AK4: variants seen among roughly 807,000 people sequenced by gnomAD.
AK4 encodes the protein adenylate kinase 4, mitochondrial.
Under a neutral mutation model 24.6 loss-of-function variants are expected in AK4, and 13 were observed. The ratio of observed to expected loss-of-function variants is 0.53; its 90% CI spans 0.34 to 0.84. The LOEUF (loss-of-function observed/expected upper bound fraction) is 0.84, where lower values mean the gene tolerates loss of function less well. Ranked by LOEUF, AK4 falls within the 40% of genes least tolerant of loss-of-function variation. The pLI is 0.01. For missense variants in AK4, 192 were observed against 288.2 expected, an observed-to-expected ratio of 0.67 and a Z score of 2.42; for synonymous variants, 88 against 107.0, an observed-to-expected ratio of 0.82 and a Z score of 1.10.
chr1:65,152,380 ATATATTTTTTTTTTTTTTTTT>A (rs1649822398), intron 1 of AK4, among the ~76,000 whole-genome samples: 5 of 44,002 alleles, frequency 1.1e-4, no homozygotes, highest in East Asian at 6.7e-4. Context: ...ATATATATAT[ATATATTTTTTTTTTTTTTTTT>A]TTTTTTTTTT....
intron 1 of AK4, among the ~76,000 whole-genome samples, chr1:65,176,188 G>A (rs1650708058): frequency 6.6e-6 from 1 of 152,150 alleles, no homozygotes; most frequent in African/African-American, 2.4e-5. Context: ...CTTAGAGATT[G>A]GATCACCTTC....
At chr1:65,184,470 T>C (rs1651020203) in intron 1 of AK4, among the ~76,000 whole-genome samples, 1 of 152,204 alleles carries the variant, frequency 6.6e-6, no homozygotes, top group Non-Finnish European at 1.5e-5. Context: ...AGTGGCCTCT[T>C]TGGGGCACCC....
At chr1:65,150,449 T>TA (rs567387341) in intron 1 of AK4, among the ~76,000 whole-genome samples, 158 of 149,230 alleles carry the variant, frequency 1.1e-3, no homozygotes, top group Non-Finnish European at 1.4e-3. Flanking sequence ...ATGAGCCAAT[T>TA]AAAAAAAAAA....
At chr1:65,149,550 T>C (rs1649697171) in intron 1 of AK4, among the ~76,000 whole-genome samples, 1 of 152,216 alleles carries the variant, frequency 6.6e-6, no homozygotes, top group Non-Finnish European at 1.5e-5. Flanking sequence ...GTCGATGTAC[T>C]TCTCAAGGAT....
rs951802334 is a variant in AK4, at chr1:65,159,969, CA to C, written c.145+11438del. Among the ~76,000 whole-genome samples, 196 of 63,352 alleles carry C rather than the reference CA, an allele frequency of 3.1e-3. 1 individual carries two copies. The highest frequency in any genetic ancestry group is 0.03 in the South Asian group (53 of 1,788). The allele number at this position is 63,352 out of a possible 152,430, so 41.6% of individuals were successfully genotyped here. A position where few individuals can be genotyped will look rare whatever the true frequency, so the allele number is the denominator to read the frequency against. ...GGCAACAGCGCCGAGACTATGTCTC[CA>C]AAAAAAAAAAAAAAAAAAAAGTTGA... On this transcript the variant is annotated intron_variant, in intron 1 of 4. Transcript: ENST00000327299.
intron 1 of AK4, among the ~76,000 whole-genome samples, chr1:65,185,952 G>A (rs528328753): frequency 6.6e-6 from 1 of 151,812 alleles, no homozygotes; most frequent in African/African-American, 2.4e-5. Context: ...CACTTTGCTT[G>A]TATCATACCT....
intron 1 of AK4, among the ~76,000 whole-genome samples, chr1:65,163,940 T>G (rs1162296758): frequency 6.6e-6 from 1 of 152,082 alleles, no homozygotes; most frequent in Non-Finnish European, 1.5e-5. Flanking sequence ...AGATTATGGG[T>G]CTGGGTGGTG....
chr1:65,168,224 T>C (rs1232007943), intron 1 of AK4, among the ~76,000 whole-genome samples: 1 of 151,586 alleles, frequency 6.6e-6, no homozygotes, highest in East Asian at 1.9e-4. Flanking sequence ...CTCAGCTTAT[T>C]GCAACTCCGC....
At chr1:65,179,702 G>A (rs1435997696) in intron 1 of AK4, among the ~76,000 whole-genome samples, 1 of 152,110 alleles carries the variant, frequency 6.6e-6, no homozygotes, top group African/African-American at 2.4e-5. Context: ...AGGCATGGTG[G>A]CATGTGCCTG....
At chr1:65,159,583 GGAGGCTACAGTGAGTCTATAGT>G (rs1217252275) in intron 1 of AK4, among the ~76,000 whole-genome samples, 1 of 152,110 alleles carries the variant, frequency 6.6e-6, no homozygotes, top group Non-Finnish European at 1.5e-5. Flanking sequence ...CCTGAGTCCA[GGAGGCTACAGTGAGTCTATAGT>G]GAGGCTACAG....
intron 2 of AK4, among the ~76,000 whole-genome samples, chr1:65,204,558 C>T (rs1232458005): frequency 1.3e-5 from 2 of 152,150 alleles, no homozygotes; most frequent in Non-Finnish European, 2.9e-5. Flanking sequence ...GGAGTTATTA[C>T]GGAGCTTCAG....
intron 2 of AK4, among the ~76,000 whole-genome samples, chr1:65,216,550 T>G (rs917307881): frequency 1.4e-5 from 2 of 148,044 alleles, no homozygotes; most frequent in Non-Finnish European, 2.9e-5. Flanking sequence ...TAGAAAATGC[T>G]TTTCATTGAT....
intron 1 of AK4, among the ~76,000 whole-genome samples, chr1:65,156,542 C>G (rs1649990107): frequency 6.6e-6 from 1 of 152,076 alleles, no homozygotes; most frequent in East Asian, 1.9e-4. Flanking sequence ...GGCCTCAGGT[C>G]CTTTTTAACA....
rs1491280917 is a variant in AK4 at position 65,170,388 on chromosome 1, A to AC, written c.146-20322_146-20321insC. ...GTCTCACACACACACACACACACAC[A>AC]AAAAAAATCAGTTTTAAGGTATTAG... On this transcript the variant is annotated intron_variant, in intron 1 of 4. Coordinates refer to ENST00000327299, the MANE Select transcript of AK4 (RefSeq NM_013410.4). Among the ~76,000 whole-genome samples the AC allele has an allele frequency of 2.6e-3, 376 of 142,090 alleles. 2 individuals carry two copies. Among genetic ancestry groups the AC allele is most frequent in the South Asian group, 0.013 (62 of 4,656 alleles). 93.2% of individuals were successfully genotyped at this position (142,090 alleles called of 152,430 possible). A position where few individuals can be genotyped will look rare whatever the true frequency, so the allele number is the denominator to read the frequency against.
chr1:65,148,403 A>G lies in AK4; in HGVS notation c.-5A>G, dbSNP rs1306706307. On this transcript the variant is annotated 5_prime_UTR_variant, in exon 1 of 5. Transcript: ENST00000327299. ...CGTTTGACCGCCCCCCTCCTCGCGA[A>G]GGCAATGGCTTCCAAACTCCTGCGC... is the stretch of plus-strand genomic sequence containing the variant. The G allele has an allele frequency of 4.6e-6, 7 of 1,534,042 alleles. No homozygotes were observed. Among genetic ancestry groups the G allele is most frequent in the Non-Finnish European group, 6.1e-6 (7 of 1,140,932 alleles).
chr1:65,215,542 G>A (rs1170958868), intron 2 of AK4, among the ~76,000 whole-genome samples: 1 of 152,126 alleles, frequency 6.6e-6, no homozygotes, highest in African/African-American at 2.4e-5. Context: ...TTGAAGTTGT[G>A]GAATGGTTTA....
intron 1 of AK4, among the ~76,000 whole-genome samples, chr1:65,189,287 C>CTT (rs11373489): frequency 0.028 from 3,761 of 132,494 alleles, 196 homozygotes; most frequent in African/African-American, 0.095. Flanking sequence ...GATTCTCTCT[C>CTT]TTTTTTTTTT....
intron 1 of AK4, among the ~76,000 whole-genome samples, chr1:65,151,714 C>A (rs1457321794): frequency 6.6e-6 from 1 of 152,164 alleles, no homozygotes; most frequent in South Asian, 2.1e-4. Flanking sequence ...AGTCAAGCAA[C>A]CTATAGCATA....
chr1:65,198,860 T>TTGG (rs1651570315), intron 2 of AK4, among the ~76,000 whole-genome samples: 1 of 151,954 alleles, frequency 6.6e-6, no homozygotes, highest in East Asian at 1.9e-4. Context: ...GAGGATCACT[T>TTGG]GAGCCCAGGA....
Sources: allele counts gnomAD v4.1 joint callset (sites outside exome capture counted in the v4.1 genomes callset), GRCh38; gene constraint gnomAD v4.1.1; transcripts MANE v1.5; gene names NCBI Gene and HGNC (gene_info 2026-07-23, HGNC 2026-07-21).